MTHFD1L: variants seen among roughly 807,000 people sequenced by gnomAD.
MTHFD1L encodes the protein monofunctional C1-tetrahydrofolate synthase, mitochondrial.
Under a neutral mutation model 119.5 loss-of-function variants are expected in MTHFD1L, and 81 were observed. That is an observed-to-expected ratio of 0.68 (90% CI 0.57 to 0.82). The LOEUF (loss-of-function observed/expected upper bound fraction) is 0.82. MTHFD1L is among the 40% of genes least tolerant of loss of function. The probability of loss-of-function intolerance (pLI) is 0.00; values close to 1 mark genes in which losing one functional copy is unlikely to be tolerated. For synonymous variants in MTHFD1L, 430 were observed against 475.2 expected, an observed-to-expected ratio of 0.90 and a Z score of 1.24; for missense variants, 1,125 against 1,253.4, an observed-to-expected ratio of 0.90 and a Z score of 1.55.
chr6:151,049,531 G>A (rs970128404), intron 26 of MTHFD1L, among the ~76,000 whole-genome samples: 15 of 150,490 alleles, frequency 1.0e-4, no homozygotes, highest in South Asian at 2.1e-4. Flanking sequence ...GTGTGGTGGC[G>A]GGCTCCTGTA....
At chr6:151,051,248 G>A (rs1325980489) in intron 26 of MTHFD1L, among the ~76,000 whole-genome samples, 1 of 152,184 alleles carries the variant, frequency 6.6e-6, no homozygotes, top group African/African-American at 2.4e-5. Flanking sequence ...AATATATTTT[G>A]TATGATAGCA....
At chr6:150,935,415 TG>T in intron 11 of MTHFD1L, 2 of 1,613,850 alleles carry the variant, frequency 1.2e-6, no homozygotes, top group Non-Finnish European at 1.7e-6. Flanking sequence ...ATTGAGAAAT[TG>T]TTAGCAATGG....
At chr6:151,094,359 C>T (rs1794714418) in intron 27 of MTHFD1L, among the ~76,000 whole-genome samples, 1 of 151,958 alleles carries the variant, frequency 6.6e-6, no homozygotes, top group Non-Finnish European at 1.5e-5. Flanking sequence ...CACTTGAGGA[C>T]TTGTTGTTGT....
intron 26 of MTHFD1L, among the ~76,000 whole-genome samples, chr6:151,089,795 C>G (rs1794211611): frequency 1.3e-5 from 2 of 152,270 alleles, no homozygotes; most frequent in South Asian, 4.1e-4. Flanking sequence ...GGGGTCTCCC[C>G]CATTGTATGC....
intron 24 of MTHFD1L, among the ~76,000 whole-genome samples, chr6:151,023,070 A>C (rs1236121140): frequency 1.4e-5 from 2 of 140,680 alleles, no homozygotes; most frequent in Non-Finnish European, 3.0e-5. Context: ...TTTTTGAGGC[A>C]GAGTCTCGCT....
At position 150,936,934 on chromosome 6, in the gene MTHFD1L, G is replaced by A; in HGVS notation, c.1387G>A (p.Val463Met). ...RQPSQGPTFG[V>M]KGGAAGGGYA... ...GCCTTCCCAAGGACCGACGTTTGGA[G>A]TGAAAGGTACTGTCTTTAACAACTA... Residue 463 changes from valine to methionine, a missense_variant, in exon 12 of 28, where the codon GTG becomes ATG. Physicochemically the swap from Val to Met is conservative, Grantham distance 21. Around this residue, in one of 3 missense-constraint regions of MTHFD1L, gnomAD observed 1,058 missense variants for 1,151.2 expected, o/e 0.92. Transcript: ENST00000367321. The A allele has an allele frequency of 6.2e-7, 1 of 1,614,138 alleles. No homozygotes were observed. The highest frequency in any genetic ancestry group is 8.5e-7 in the Non-Finnish European group (1 of 1,179,996).
chr6:150,916,761 T>A (rs1168989867), intron 8 of MTHFD1L, among the ~76,000 whole-genome samples: 3 of 51,664 alleles, frequency 5.8e-5, no homozygotes, highest in African/African-American at 3.8e-4. Context: ...TTTTTTTTTT[T>A]TTTTTTTTTT....
chr6:150,889,106 G>A (rs1258791534), intron 7 of MTHFD1L, among the ~76,000 whole-genome samples: 1 of 152,110 alleles, frequency 6.6e-6, no homozygotes, highest in Non-Finnish European at 1.5e-5. Flanking sequence ...GAACCCGGGA[G>A]GCAGGGGTTG....
intron 26 of MTHFD1L, among the ~76,000 whole-genome samples, chr6:151,092,023 CAGG>C (rs1275974969): frequency 6.6e-6 from 1 of 152,082 alleles, no homozygotes; most frequent in Non-Finnish European, 1.5e-5. Context: ...GGCATCTGAA[CAGG>C]AGTTTTCCAG....
chr6:151,009,739 C>A, intron 20 of MTHFD1L, 80 bp from the exon 21 acceptor site: 1 of 1,488,738 alleles, frequency 6.7e-7, no homozygotes, highest in Non-Finnish European at 9.3e-7. Flanking sequence ...GTCCTTTGAG[C>A]TCGAATCATA....
In MTHFD1L at chr6:151,003,992, T is replaced by A. The variant is rs77148725; in HGVS notation, c.2126-5827T>A. Among the ~76,000 whole-genome samples, 72 of 139,632 alleles carry A rather than the reference T, an allele frequency of 5.2e-4. 1 individual carries two copies. The highest frequency in any genetic ancestry group is 1.9e-3 in the African/African-American group (71 of 37,328). 91.6% of individuals were successfully genotyped at this position (139,632 alleles called of 152,430 possible). ...AAAGGGCCTTCTAATGAAGTGAGGA[T>A]GTTAATGCTTTTTTTTAAAAAAAAA... On this transcript the variant is annotated intron_variant, in intron 20 of 27. Coordinates refer to ENST00000367321, the MANE Select transcript of MTHFD1L (RefSeq NM_015440.5).
intron 20 of MTHFD1L, among the ~76,000 whole-genome samples, chr6:150,997,665 C>T (rs994122495): frequency 6.6e-6 from 1 of 151,998 alleles, no homozygotes; most frequent in South Asian, 2.1e-4. Flanking sequence ...GTGGTGTGCA[C>T]CTGTGGTCCC....
At position 150,926,410 on chromosome 6, in the gene MTHFD1L, T is replaced by C. The variant is rs1789998482; in HGVS notation, c.1256+115T>C. On this transcript the variant is annotated intron_variant, in intron 11 of 27. Transcript: ENST00000367321. The surrounding 1 kb of genome is among the most constrained non-coding windows in gnomAD (Gnocchi z 4.3). ...TCCTATTCTCACATTTGACATTTCGTCCATTTCATTTGGCATTTCTTTATT... is the reference window on the plus strand; with the variant it reads ...TCCTATTCTCACATTTGACATTTCGCCCATTTCATTTGGCATTTCTTTATT... The C allele has an allele frequency of 6.9e-6, 7 of 1,015,994 alleles. No homozygotes were observed. The highest frequency in any genetic ancestry group is 2.6e-4 in the Middle Eastern group (1 of 3,888). The allele number at this position is 1,015,994 out of a possible 1,614,324, so 62.9% of individuals were successfully genotyped here. A position where few individuals can be genotyped will look rare whatever the true frequency, so the allele number is the denominator to read the frequency against.
intron 17 of MTHFD1L, 36 bp from the exon 18 acceptor site, chr6:150,960,239 T>C (rs1434884268): frequency 1.3e-6 from 2 of 1,577,904 alleles, no homozygotes; most frequent in African/African-American, 2.7e-5. Context: ...CCACTGGCAC[T>C]GTCGCTGACC....
At chr6:151,060,593 G>A (rs1790496246) in intron 26 of MTHFD1L, among the ~76,000 whole-genome samples, 2 of 152,214 alleles carry the variant, frequency 1.3e-5, no homozygotes, top group Admixed American at 1.3e-4. Context: ...GGTTACCTAA[G>A]CCGGATCATG....
intron 15 of MTHFD1L, 34 bp from the exon 16 acceptor site, chr6:150,948,997 C>T (rs1451451708): frequency 1.9e-6 from 3 of 1,560,876 alleles, no homozygotes; most frequent in Non-Finnish European, 2.6e-6. Context: ...TGTTTCTTCT[C>T]AAACTTCTCA....
chr6:150,992,866 T>G (rs900636739), intron 20 of MTHFD1L, among the ~76,000 whole-genome samples: 1 of 152,204 alleles, frequency 6.6e-6, no homozygotes, highest in Admixed American at 6.5e-5. Context: ...CCCAGAGACA[T>G]GAACAGTGCT....
rs552997100 is a variant in MTHFD1L at position 150,877,919 on chromosome 6, C to T, written c.417+93C>T. 4 of 1,451,254 alleles carry T rather than the reference C, an allele frequency of 2.8e-6. No individual in the cohort carries two copies. The East Asian group carries it at 9.1e-5, about 33-fold the overall frequency. The allele number at this position is 1,451,254 out of a possible 1,614,324, so 89.9% of individuals were successfully genotyped here. On this transcript the variant is annotated intron_variant, in intron 4 of 27. Transcript: ENST00000367321. ...TCTCTTAGTGGTGGCTGGGACAGAT[C>T]TAAGATTTGCTTGTGACTGAATGTT...
At chr6:150,880,018 G>A (rs1283962262) in intron 4 of MTHFD1L, among the ~76,000 whole-genome samples, 1 of 152,112 alleles carries the variant, frequency 6.6e-6, no homozygotes, top group South Asian at 2.1e-4. Flanking sequence ...GTACAGTGTG[G>A]TGTTTCGGTA....
Sources: allele counts gnomAD v4.1 joint callset (sites outside exome capture counted in the v4.1 genomes callset), GRCh38; gene constraint gnomAD v4.1.1; regional missense constraint gnomAD v4.1.1; non-coding constraint Gnocchi (gnomAD v3.1); transcripts MANE v1.5; gene names NCBI Gene and HGNC (gene_info 2026-07-23, HGNC 2026-07-21).